The following ZDHHC2 variants were observed in gnomAD, a reference collection of about 807,000 sequenced individuals.
ZDHHC2 encodes palmitoyltransferase ZDHHC2.
A neutral mutation model predicts 55.6 loss-of-function variants in ZDHHC2; 51 were observed. That is an observed-to-expected ratio of 0.92 (90% CI 0.73 to 1.16). The LOEUF (loss-of-function observed/expected upper bound fraction) is 1.16, where lower values mean the gene tolerates loss of function less well. Ranked by LOEUF, ZDHHC2 falls within the 50% of genes most tolerant of loss-of-function variation. The probability of loss-of-function intolerance (pLI) is 0.00; values close to 1 mark genes in which losing one functional copy is unlikely to be tolerated. For missense variants in ZDHHC2, 491 were observed against 442.4 expected (o/e 1.11, Z -0.99); for synonymous variants, 199 against 152.9 (o/e 1.30, Z -2.22).
chr8:17,219,948 A>C (rs1807841037), intron 12 of ZDHHC2, among the ~76,000 whole-genome samples: 1 of 152,112 alleles, frequency 6.6e-6, no homozygotes, highest in African/African-American at 2.4e-5. Flanking sequence ...GAAGCCCCAA[A>C]CCAGCAACAT....
intron 10 of ZDHHC2, among the ~76,000 whole-genome samples, chr8:17,211,990 A>G (rs73198539): frequency 2.0e-5 from 3 of 152,084 alleles, no homozygotes; most frequent in Non-Finnish European, 4.4e-5. Flanking sequence ...TTAAGAAATC[A>G]TTTTGGTTTT....
In ZDHHC2 at chr8:17,224,443, G is replaced by GA. The variant is rs1429626674; in HGVS notation, c.*4227dup. ...TTATGGCTAGTTCCCTTTTGCTCAG[G>GA]AAAAATAGTACTACTTTATGGTTTA... On this transcript the variant is annotated 3_prime_UTR_variant, in exon 13 of 13. Transcript: ENST00000262096. 1.3e-5 allele frequency: 2 copies of GA among 151,464 alleles called. No individual in the cohort carries two copies. The highest frequency in any genetic ancestry group is 3.0e-5 in the Non-Finnish European group (2 of 67,598). 9.4% of individuals were successfully genotyped at this position (151,464 alleles called of 1,614,324 possible). A position where few individuals can be genotyped will look rare whatever the true frequency, so the allele number is the denominator to read the frequency against.
At chr8:17,197,538 A>T (rs760103513) in intron 4 of ZDHHC2, 44 bp from the exon 5 acceptor site, 547 of 1,505,998 alleles carry the variant, frequency 3.6e-4, no homozygotes, top group Non-Finnish European at 4.7e-4. Flanking sequence ...TGTATTTTCA[A>T]TTCAGTGTTA....
chr8:17,203,926 G>T (rs899902626), intron 6 of ZDHHC2, among the ~76,000 whole-genome samples: 23 of 151,730 alleles, frequency 1.5e-4, no homozygotes, highest in African/African-American at 5.3e-4. Flanking sequence ...TCCTGCCTCG[G>T]CCTCCCGAGT....
intron 10 of ZDHHC2, among the ~76,000 whole-genome samples, chr8:17,214,997 G>T (rs1173304365): frequency 6.6e-6 from 1 of 152,156 alleles, no homozygotes; most frequent in Non-Finnish European, 1.5e-5. Flanking sequence ...ATTTTCCAGT[G>T]TTAGAGATTA....
chr8:17,199,497 T>G (rs200498248), intron 6 of ZDHHC2, among the ~76,000 whole-genome samples: 9,111 of 51,926 alleles, frequency 0.18, 506 homozygotes, highest in Admixed American at 0.2. Flanking sequence ...CTTCTTCTTC[T>G]TCTTCTTCTT....
intron 3 of ZDHHC2, among the ~76,000 whole-genome samples, chr8:17,192,929 A>G (rs1464570499): frequency 5.9e-5 from 9 of 152,128 alleles, no homozygotes; most frequent in African/African-American, 1.9e-4. Flanking sequence ...AGTTTACTGT[A>G]GATGTAAGGA....
intron 6 of ZDHHC2, among the ~76,000 whole-genome samples, chr8:17,199,527 G>GTCTTCGTCTTCGTCTTCGTCTTCA (rs1563161206): frequency 3.4e-4 from 10 of 29,668 alleles, no homozygotes; most frequent in African/African-American, 7.5e-4. Flanking sequence ...CTTCGTCTTC[G>GTCTTCGTCTTCGTCTTCGTCTTCA]TCTTCTGTCT....
chr8:17,205,891 G>C (rs1156298592), intron 7 of ZDHHC2, 116 bp downstream of exon 7: 1 of 993,660 alleles, frequency 1.0e-6, no homozygotes, highest in East Asian at 2.8e-5. Flanking sequence ...TTGACATGCA[G>C]TCAGTCCTCA....
At chr8:17,183,454 A>G (rs1437463937) in intron 1 of ZDHHC2, among the ~76,000 whole-genome samples, 2 of 152,194 alleles carry the variant, frequency 1.3e-5, no homozygotes, top group African/African-American at 4.8e-5. Context: ...CTAGCCTCTG[A>G]CTTACAAGCG....
intron 5 of ZDHHC2, 72 bp from the exon 6 acceptor site, chr8:17,198,309 T>C: frequency 7.2e-7 from 1 of 1,387,028 alleles, no homozygotes; most frequent in Non-Finnish European, 9.6e-7. Context: ...TAACCATAAT[T>C]TATATTTTTA....
chr8:17,159,210 C>G (rs1283548892), intron 1 of ZDHHC2, among the ~76,000 whole-genome samples: 1 of 152,178 alleles, frequency 6.6e-6, no homozygotes, highest in Admixed American at 6.5e-5. Flanking sequence ...CCAGCCCCCA[C>G]CCTACCCCCA....
At chr8:17,194,790 T>G (rs2959626) in intron 3 of ZDHHC2, among the ~76,000 whole-genome samples, 146,212 of 152,160 alleles carry the variant, frequency 0.96, 70,500 homozygotes, top group Non-Finnish European at 1. Context: ...CCTTTTGATG[T>G]ACATTTGAGT....
intron 4 of ZDHHC2, among the ~76,000 whole-genome samples, chr8:17,196,148 T>C (rs1248481184): frequency 6.6e-6 from 1 of 152,138 alleles, no homozygotes; most frequent in Non-Finnish European, 1.5e-5. Context: ...TGGGACATAT[T>C]TTAAGGTAAT....
In ZDHHC2 at chr8:17,221,291, A is replaced by G. The variant is rs1000419241; in HGVS notation, c.*1070A>G. The G allele has an allele frequency of 7.9e-5, 12 of 152,660 alleles. No homozygotes were observed. The highest frequency in any genetic ancestry group is 2.9e-4 in the African/African-American group (12 of 41,572). 9.5% of individuals were successfully genotyped at this position (152,660 alleles called of 1,614,324 possible). ...TCAACATGAACTAAAATGGCATGCT[A>G]TTTGGAAATTTAGTTTGAGATAAAC... On this transcript the variant is annotated 3_prime_UTR_variant, in exon 13 of 13. Transcript: ENST00000262096.
At chr8:17,195,339 C>G (rs1023024834) in intron 3 of ZDHHC2, among the ~76,000 whole-genome samples, 165 bp from the exon 4 acceptor site, 1 of 152,146 alleles carries the variant, frequency 6.6e-6, no homozygotes, top group Admixed American at 6.5e-5. Flanking sequence ...AAATGAATGA[C>G]CTGTGAGGTG....
At chr8:17,206,704 T>C (rs781353527) in intron 7 of ZDHHC2, among the ~76,000 whole-genome samples, 6 of 152,160 alleles carry the variant, frequency 3.9e-5, no homozygotes, top group Non-Finnish European at 5.9e-5. Context: ...CAAAAAGAAA[T>C]TAAAATTGAG....
At position 17,156,681 on chromosome 8, in the gene ZDHHC2, C is replaced by A; in HGVS notation, c.-43C>A. 2.4e-6 allele frequency: 3 copies of A among 1,265,860 alleles called. No homozygotes were observed. Among genetic ancestry groups the A allele is most frequent in the Non-Finnish European group, 3.0e-6 (3 of 1,006,096 alleles). 78.4% of individuals were successfully genotyped at this position (1,265,860 alleles called of 1,614,324 possible). ...CGCCCAGCCCGCCCCGGAGCCAGGC[C>A]CGCGGGCGGCGGCGGAGCTGGGCAG... On this transcript the variant is annotated 5_prime_UTR_variant, in exon 1 of 13. Transcript: ENST00000262096.
chr8:17,179,269 G>A (rs369253521), intron 1 of ZDHHC2, among the ~76,000 whole-genome samples: 6 of 152,104 alleles, frequency 3.9e-5, no homozygotes, highest in African/African-American at 1.2e-4. Flanking sequence ...TCTTTCTTAC[G>A]GGAATGATCA....
Sources: gnomAD v4.1 joint callset for allele counts (sites outside exome capture counted in the v4.1 genomes callset) on GRCh38, gnomAD v4.1.1 for gene constraint, MANE v1.5 for transcripts, NCBI Gene and HGNC (gene_info 2026-07-23, HGNC 2026-07-21) for gene names.